Variants in FARP1 observed in about 807,000 individuals in gnomAD.
FARP1 encodes FERM, ARH/RhoGEF and pleckstrin domain protein 1.
Under a neutral mutation model 128.8 loss-of-function variants are expected in FARP1, and 52 were observed. The observed-to-expected ratio is 0.40, with a 90% confidence interval of 0.32 to 0.51. The LOEUF (loss-of-function observed/expected upper bound fraction) is 0.51, where lower values mean the gene tolerates loss of function less well. Among genes scored for constraint, FARP1 ranks in the 20% least tolerant of loss-of-function variants. The probability of loss-of-function intolerance (pLI) is 0.45; values close to 1 mark genes in which losing one functional copy is unlikely to be tolerated. For synonymous variants in FARP1, 580 were observed against 551.8 expected (o/e 1.05, Z -0.72); for missense variants, 1,333 against 1,367.9 (o/e 0.97, Z 0.40).
At chr13:98,286,412 G>A (rs1427251387) in intron 2 of FARP1, among the ~76,000 whole-genome samples, 1 of 152,216 alleles carries the variant, frequency 6.6e-6, no homozygotes, top group African/African-American at 2.4e-5. Context: ...GGGACCCCAT[G>A]GGAGATAATT....
chr13:98,319,585 A>G (rs940221621), intron 2 of FARP1, among the ~76,000 whole-genome samples: 2 of 152,142 alleles, frequency 1.3e-5, no homozygotes, highest in African/African-American at 4.8e-5. Flanking sequence ...GCGCCACTGC[A>G]CTCCAGCCTG....
intron 13 of FARP1, chr13:98,406,982 A>T (rs1170588682): frequency 6.6e-6 from 1 of 152,642 alleles, no homozygotes; most frequent in African/African-American, 2.4e-5. Context: ...CTGTTGCCGG[A>T]TGCTGTCTAG....
rs1288115799 is a variant in FARP1 at position 98,187,021 on chromosome 13, C to T, written c.-23-26199C>T. Among the ~76,000 whole-genome samples the T allele has an allele frequency of 4.2e-5, 5 of 120,312 alleles. No individual in the cohort carries two copies. In the East Asian group the frequency reaches 1.1e-3, roughly 28 times the overall value. 78.9% of individuals were successfully genotyped at this position (120,312 alleles called of 152,430 possible). On this transcript the variant is annotated intron_variant, in intron 1 of 26. Transcript: ENST00000319562. Reference sequence around the variant, plus strand: ...AAAAAAAAAAAAAAAAAAAAAAAGCCATTAACGTGCACATACAGATATATG... The same window carrying T: ...AAAAAAAAAAAAAAAAAAAAAAAGCTATTAACGTGCACATACAGATATATG...
intron 3 of FARP1, among the ~76,000 whole-genome samples, chr13:98,345,325 G>C (rs969390455): frequency 3.0e-4 from 46 of 152,206 alleles, no homozygotes; most frequent in African/African-American, 1.1e-3. Flanking sequence ...CACAGCTGAG[G>C]GCGCTAAGAT....
intron 19 of FARP1, chr13:98,437,765 G>C (rs1892338927): frequency 3.4e-6 from 5 of 1,464,670 alleles, no homozygotes; most frequent in Admixed American, 3.3e-5. Context: ...GGTCCCACCA[G>C]CCTGGCTCCT....
intron 2 of FARP1, among the ~76,000 whole-genome samples, chr13:98,246,064 A>G (rs1372942136): frequency 7.1e-6 from 1 of 141,550 alleles, no homozygotes; most frequent in Non-Finnish European, 1.5e-5. Context: ...GGTGTGAGCC[A>G]CTGCGCCCGG....
At chr13:98,233,570 G>A (rs1882262503) in intron 2 of FARP1, 1 of 152,108 alleles carries the variant, frequency 6.6e-6, no homozygotes, top group African/African-American at 2.4e-5. Context: ...ACCATGAAGA[G>A]GAAATTGTGT....
At chr13:98,239,756 G>T (rs1882654291) in intron 2 of FARP1, among the ~76,000 whole-genome samples, 1 of 152,068 alleles carries the variant, frequency 6.6e-6, no homozygotes, top group Admixed American at 6.6e-5. Flanking sequence ...GAGATGAGCG[G>T]GGAGGGGGTG....
chr13:98,165,411 T>C (rs995466044), intron 1 of FARP1, among the ~76,000 whole-genome samples: 1 of 152,110 alleles, frequency 6.6e-6, no homozygotes, highest in East Asian at 1.9e-4. Context: ...ATTGAAGATA[T>C]TGTGAGTGCT....
Position 98,309,907 on chromosome 13 carries a change from C to T in FARP1, c.172-33855C>T, listed in dbSNP as rs374562528. The stretch of plus-strand genomic sequence containing the variant: ...ACAGCAAAAAGGGGAAAATATATTC[C>T]GCATCTGTAATCCTGGTCTTCAGAA... On this transcript the variant is annotated intron_variant, in intron 2 of 26. Coordinates refer to ENST00000319562, the MANE Select transcript of FARP1 (RefSeq NM_005766.4). 3.9e-5 allele frequency among the ~76,000 whole-genome samples: 6 copies of T among 152,136 alleles called. No individual in the cohort carries two copies. In the South Asian group the frequency reaches 6.2e-4, roughly 16 times the overall value.
intron 2 of FARP1, among the ~76,000 whole-genome samples, chr13:98,216,126 T>C (rs1447266107): frequency 6.6e-6 from 1 of 152,228 alleles, no homozygotes; most frequent in Non-Finnish European, 1.5e-5. Flanking sequence ...AATCTTTCTC[T>C]TAACCTCTGG....
At chr13:98,291,341 G>T (rs1487920252) in intron 2 of FARP1, among the ~76,000 whole-genome samples, 1 of 151,836 alleles carries the variant, frequency 6.6e-6, no homozygotes, top group East Asian at 1.9e-4. Flanking sequence ...TGAGTGGGCT[G>T]AGGAGGAGGA....
At chr13:98,226,809 G>T (rs1429598477) in intron 2 of FARP1, among the ~76,000 whole-genome samples, 1 of 152,030 alleles carries the variant, frequency 6.6e-6, no homozygotes, top group Non-Finnish European at 1.5e-5. Context: ...GGTTTTTTTT[G>T]TTGTTGTTTT....
At chr13:98,217,662 C>T (rs2139346081) in intron 2 of FARP1, among the ~76,000 whole-genome samples, 2 of 152,314 alleles carry the variant, frequency 1.3e-5, no homozygotes, top group Middle Eastern at 3.4e-3. Context: ...GGGCAACTCC[C>T]ATGGCTCATC....
At chr13:98,210,211 G>A (rs1217751255) in intron 1 of FARP1, among the ~76,000 whole-genome samples, 1 of 152,014 alleles carries the variant, frequency 6.6e-6, no homozygotes, top group Non-Finnish European at 1.5e-5. Flanking sequence ...TAGCTCTGTG[G>A]TGCCCCTTCT....
chr13:98,263,678 G>A (rs542779224), intron 2 of FARP1, among the ~76,000 whole-genome samples: 37 of 152,328 alleles, frequency 2.4e-4, no homozygotes, highest in South Asian at 8.3e-4. Context: ...GTGCAAAAAT[G>A]TAGCCCAGTA....
chr13:98,319,610 ACT>A (rs898938295), intron 2 of FARP1, among the ~76,000 whole-genome samples: 22 of 152,062 alleles, frequency 1.4e-4, no homozygotes, highest in African/African-American at 4.8e-4. Flanking sequence ...ACAGAGCAAG[ACT>A]CTGTCTCAGA....
chr13:98,192,605 G>A (rs1879310381), intron 1 of FARP1, among the ~76,000 whole-genome samples: 1 of 152,102 alleles, frequency 6.6e-6, no homozygotes, highest in Non-Finnish European at 1.5e-5. Context: ...TGGCCAGGCT[G>A]GTCTCCAACT....
At chr13:98,236,090 C>T (rs968963820) in intron 2 of FARP1, among the ~76,000 whole-genome samples, 11 of 152,206 alleles carry the variant, frequency 7.2e-5, no homozygotes, top group African/African-American at 2.4e-4. Flanking sequence ...TTCCGAAACT[C>T]ATATAATTGG....
Sources: allele counts gnomAD v4.1 joint callset (sites outside exome capture counted in the v4.1 genomes callset), GRCh38; gene constraint gnomAD v4.1.1; transcripts MANE v1.5; gene names NCBI Gene and HGNC (gene_info 2026-07-23, HGNC 2026-07-21).